ITPR1: variants seen among roughly 807,000 people sequenced by gnomAD.
ITPR1 encodes inositol 1,4,5-trisphosphate-gated calcium channel ITPR1.
A neutral mutation model predicts 318.4 loss-of-function variants in ITPR1; 96 were observed. The observed-to-expected ratio is 0.30, with a 90% CI of 0.26 to 0.36. ITPR1 has a LOEUF of 0.36. Among genes scored for constraint, ITPR1 ranks in the 10% least tolerant of loss-of-function variants. ITPR1 has a pLI of 1.00. For synonymous variants in ITPR1, 1,312 were observed against 1,289.9 expected, an observed-to-expected ratio of 1.02 and a Z score of -0.37; for missense variants, 2,440 against 3,460.2, an observed-to-expected ratio of 0.71 and a Z score of 7.40.
rs147961319 is a variant in ITPR1, at chr3:4,811,729, T to C, written c.7468+269T>C. Among the ~76,000 whole-genome samples, 1,661 of 152,350 alleles carry C rather than the reference T, an allele frequency of 0.011. 19 individuals carry two copies. The highest frequency in any genetic ancestry group is 0.014 in the Non-Finnish European group (982 of 68,028). ...CTAGTGCAACTTTTTTGTAAAGCAG[T>C]GACCATACATATTGAGAGCGTTGGA... On this transcript the variant is annotated intron_variant, in intron 56 of 61. Transcript: ENST00000649015.
intron 20 of ITPR1, among the ~76,000 whole-genome samples, chr3:4,672,870 G>A (rs777063420): frequency 4.7e-4 from 71 of 152,248 alleles, no homozygotes; most frequent in Non-Finnish European, 8.1e-4. Flanking sequence ...GAATTAGGTC[G>A]TCACATAATT....
intron 12 of ITPR1, among the ~76,000 whole-genome samples, chr3:4,656,075 A>G (rs1444185112): frequency 1.3e-5 from 2 of 152,160 alleles, no homozygotes; most frequent in African/African-American, 4.8e-5. Context: ...CACCCTGAAG[A>G]CACTTGCTTG....
intron 46 of ITPR1, among the ~76,000 whole-genome samples, chr3:4,773,899 G>A (rs2046334118): frequency 6.6e-6 from 1 of 152,240 alleles, no homozygotes; most frequent in Non-Finnish European, 1.5e-5. Context: ...GAGAAAGGAG[G>A]TGGTTAGTTT....
rs772745072 is a variant in ITPR1 at position 4,605,916 on chromosome 3, G to A, written c.164-21847G>A. ...GAAGTAGGCAACAGGGAGTGGGGCC[G>A]ACATCAGACAGGAAAGAGAGAAGGG... On this transcript the variant is annotated intron_variant, in intron 4 of 61. Coordinates refer to ENST00000649015, the MANE Select transcript of ITPR1 (RefSeq NM_001378452.1). 3.2e-4 allele frequency among the ~76,000 whole-genome samples: 48 copies of A among 152,108 alleles called. 1 individual carries two copies. The highest frequency in any genetic ancestry group is 1.8e-4 in the Non-Finnish European group (12 of 68,028).
chr3:4,800,450 A>T lies in ITPR1; in HGVS notation c.6957A>T (p.Gly2319=). The T allele has an allele frequency of 6.2e-7, 1 of 1,613,464 alleles. No homozygotes were observed. The highest frequency in any genetic ancestry group is 8.5e-7 in the Non-Finnish European group (1 of 1,179,760). Residue 2319 remains glycine, a synonymous_variant, in exon 54 of 62, where the codon GGA becomes GGT. Coordinates refer to ENST00000649015, the MANE Select transcript of ITPR1 (RefSeq NM_001378452.1). ...GAACCCTGGAGCCCCACTGGTCGGG[A>T]CTCCTGTGGACAGCCATGCTCATCT... The part of the protein sequence containing the change: ...RGGTLEPHWS[G]LLWTAMLISL...
At chr3:4,609,066 A>ATATATATATATATATG (rs1458673861) in intron 4 of ITPR1, among the ~76,000 whole-genome samples, 2 of 78,982 alleles carry the variant, frequency 2.5e-5, no homozygotes, top group African/African-American at 1.7e-4. Flanking sequence ...ATATATATAT[A>ATATATATATATATATG]TATATATATA....
chr3:4,625,438 G>A (rs77400890), intron 4 of ITPR1, among the ~76,000 whole-genome samples: 2,633 of 152,158 alleles, frequency 0.017, 73 homozygotes, highest in African/African-American at 0.06. Context: ...TAAGGGAATC[G>A]GTTTTAATGA....
intron 60 of ITPR1, among the ~76,000 whole-genome samples, chr3:4,821,989 G>T (rs143602379): frequency 2.0e-3 from 308 of 152,330 alleles, no homozygotes; most frequent in African/African-American, 7.2e-3. Flanking sequence ...CTGGGGCCAG[G>T]CTGATGCCTA....
intron 4 of ITPR1, among the ~76,000 whole-genome samples, chr3:4,524,300 C>CTTT (rs1559382913): frequency 1.4e-4 from 8 of 58,338 alleles, no homozygotes; most frequent in African/African-American, 2.4e-4. Context: ...CATACTTTGA[C>CTTT]GTTTTTTTTT....
intron 30 of ITPR1, among the ~76,000 whole-genome samples, chr3:4,686,303 A>G: frequency 1.3e-5 from 2 of 152,336 alleles, no homozygotes; most frequent in South Asian, 4.1e-4. Context: ...GACCATATGA[A>G]TCGGGCAGGT....
chr3:4,727,052 A>T (rs2042568141), intron 41 of ITPR1, 74 bp from the exon 42 acceptor site: 3 of 1,179,234 alleles, frequency 2.5e-6, no homozygotes, highest in African/African-American at 3.0e-5. Context: ...AATGTATTTT[A>T]TATGTGACTG....
chr3:4,762,397 C>T (rs3792499), intron 44 of ITPR1, among the ~76,000 whole-genome samples: 38,314 of 152,086 alleles, frequency 0.25, 6,038 homozygotes, highest in East Asian at 0.47. Context: ...TGAGAAGATT[C>T]GAGTTTCAGA....
intron 51 of ITPR1, among the ~76,000 whole-genome samples, chr3:4,787,537 G>GGAA (rs1553745667): frequency 2.3e-5 from 3 of 130,372 alleles, no homozygotes; most frequent in East Asian, 4.4e-4. Flanking sequence ...AATACTGGAG[G>GGAA]AAAAAAAAAA....
At chr3:4,627,722 C>A in intron 4 of ITPR1, 41 bp from the exon 5 acceptor site, 2 of 1,230,292 alleles carry the variant, frequency 1.6e-6, no homozygotes, top group Non-Finnish European at 2.4e-6. Context: ...AGTCTCTATA[C>A]ACCCTCAATG....
At chr3:4,696,671 G>GTTTTTTTTTTTTTTTTTTTTTTTTTTTTT (rs1405545407) in intron 33 of ITPR1, among the ~76,000 whole-genome samples, 1 of 95,506 alleles carries the variant, frequency 1.0e-5, no homozygotes, top group Non-Finnish European at 2.1e-5. Flanking sequence ...CCCTTGCCGT[G>GTTTTTTTTTTTTTTTTTTTTTTTTTTTTT]TGTTTTTTTT....
intron 4 of ITPR1, among the ~76,000 whole-genome samples, chr3:4,566,600 ACATG>A (rs1439276277): frequency 1.0e-3 from 132 of 127,288 alleles, no homozygotes; most frequent in African/African-American, 4.0e-3. Flanking sequence ...GAATGGGGAC[ACATG>A]CACACACACA....
intron 44 of ITPR1, chr3:4,749,427 T>C (rs891738875): frequency 1.3e-5 from 2 of 152,186 alleles, no homozygotes; most frequent in South Asian, 2.1e-4. Flanking sequence ...TATAGCCCTA[T>C]GGGGTATTTT....
intron 4 of ITPR1, among the ~76,000 whole-genome samples, chr3:4,604,145 G>A (rs2091518089): frequency 6.6e-6 from 1 of 152,152 alleles, no homozygotes; most frequent in East Asian, 1.9e-4. Flanking sequence ...TTTGAGAAGG[G>A]CTGTACATTG....
intron 44 of ITPR1, among the ~76,000 whole-genome samples, chr3:4,747,812 A>C (rs1260345188): frequency 6.6e-6 from 1 of 152,216 alleles, no homozygotes; most frequent in Non-Finnish European, 1.5e-5. Flanking sequence ...ACAGCAGCTC[A>C]TCTAATTAGG....
Sources: allele counts gnomAD v4.1 joint callset (sites outside exome capture counted in the v4.1 genomes callset), GRCh38; gene constraint gnomAD v4.1.1; transcripts MANE v1.5; gene names NCBI Gene and HGNC (gene_info 2026-07-23, HGNC 2026-07-21).